The following TSPAN7 variants were observed in gnomAD, a reference collection of about 807,000 sequenced individuals.
TSPAN7 encodes the protein tetraspanin 7, also known as tetraspanin-7.
In TSPAN7, 1 loss-of-function variant was observed where a neutral mutation model predicts 17.6. The observed-to-expected ratio is 0.06, with a 90% confidence interval of 0.02 to 0.27. The LOEUF is 0.27. TSPAN7 is among the 10% of genes least tolerant of loss of function. The pLI, the probability that TSPAN7 is intolerant of heterozygous loss-of-function variation, is 1.00. For missense variants in TSPAN7, 112 were observed against 201.7 expected, an observed-to-expected ratio of 0.56 and a Z score of 2.69; for synonymous variants, 78 against 79.0, an observed-to-expected ratio of 0.99 and a Z score of 0.07.
chrX:38,671,107 G>A (rs1006704123), intron 2 of TSPAN7, among the ~76,000 whole-genome samples: 1 of 111,938 alleles, frequency 8.9e-6, no homozygotes, highest in South Asian at 3.7e-4. Context: ...TTCTCCAGGT[G>A]AGCCAAGCTG....
chrX:38,655,992 C>G (rs1253801396), intron 1 of TSPAN7: 2 of 321,618 alleles, frequency 6.2e-6, no homozygotes, highest in East Asian at 2.0e-4. Context: ...ATTCGTTTTT[C>G]CAGATTCATT....
chrX:38,622,462 C>T (rs1232982886), intron 1 of TSPAN7, among the ~76,000 whole-genome samples: 2 of 112,116 alleles, frequency 1.8e-5, no homozygotes, highest in East Asian at 2.8e-4. Context: ...TTGGGAGCGT[C>T]GCTTGAGCCC....
chrX:38,652,988 C>G (rs1052405733), intron 1 of TSPAN7, among the ~76,000 whole-genome samples: 1 of 112,066 alleles, frequency 8.9e-6, no homozygotes, highest in Non-Finnish European at 1.9e-5. Context: ...AGCCCTTGGC[C>G]TTGACTGCTG....
chrX:38,620,538 T>C (rs2069483026), intron 1 of TSPAN7, among the ~76,000 whole-genome samples: 1 of 111,510 alleles, frequency 9.0e-6, no homozygotes, highest in African/African-American at 3.3e-5. Flanking sequence ...ACTGCAGACC[T>C]ACAATTTTTG....
At chrX:38,646,722 T>C (rs891980323) in intron 1 of TSPAN7, among the ~76,000 whole-genome samples, 4 of 112,525 alleles carry the variant, frequency 3.6e-5, no homozygotes, top group African/African-American at 1.3e-4. Context: ...AAAAATTGCA[T>C]TAAGGTGATA....
At chrX:38,603,688 G>C (rs2069359538) in intron 1 of TSPAN7, among the ~76,000 whole-genome samples, 1 of 111,109 alleles carries the variant, frequency 9.0e-6, no homozygotes, top group African/African-American at 3.3e-5. Context: ...AAGCAAATCT[G>C]TAGAGCCAGA....
At chrX:38,671,580 A>C in intron 3 of TSPAN7, 130 bp downstream of exon 3, 1 of 649,251 alleles carries the variant, frequency 1.5e-6, no homozygotes, top group Middle Eastern at 3.1e-4. Flanking sequence ...TTTTCCAAAG[A>C]TCATGTCATA....
chrX:38,569,851 A>G (rs922704019), intron 1 of TSPAN7, among the ~76,000 whole-genome samples: 13 of 111,959 alleles, frequency 1.2e-4, no homozygotes, highest in Non-Finnish European at 1.9e-4. Context: ...TCTACATCAG[A>G]TGGTACTAAT....
chrX:38,595,830 C>T (rs1395389145), intron 1 of TSPAN7, among the ~76,000 whole-genome samples: 2 of 112,037 alleles, frequency 1.8e-5, no homozygotes, highest in Non-Finnish European at 3.8e-5. Flanking sequence ...TACTTTCTGC[C>T]TTCTACAATT....
chrX:38,681,244 T>C lies in TSPAN7; in HGVS notation c.638T>C (p.Met213Thr), dbSNP rs1462417531. The C allele has an allele frequency of 3.3e-6, 4 of 1,210,783 alleles. No individual in the cohort carries two copies. Among genetic ancestry groups the C allele is most frequent in the Non-Finnish European group, 4.5e-6 (4 of 894,739 alleles). ...DLVTSFMETN[M>T]GIIAGVAFGI... ...GTAACTAGTTTCATGGAGACTAACATGGGAATCATCGCTGGAGTGGCGTTT... is the reference window on the plus strand; with the variant it reads ...GTAACTAGTTTCATGGAGACTAACACGGGAATCATCGCTGGAGTGGCGTTT... Residue 213 changes from methionine to threonine, a missense_variant, in exon 6 of 8, where the codon ATG becomes ACG. Coordinates refer to ENST00000378482, the MANE Select transcript of TSPAN7 (RefSeq NM_004615.4).
At chrX:38,640,172 G>A (rs190699868) in intron 1 of TSPAN7, among the ~76,000 whole-genome samples, 4 of 111,288 alleles carry the variant, frequency 3.6e-5, no homozygotes, top group African/African-American at 9.8e-5. Context: ...GAAGCCTGAA[G>A]GTAATTGAAA....
At chrX:38,593,530 G>A (rs983424761) in intron 1 of TSPAN7, among the ~76,000 whole-genome samples, 6 of 111,971 alleles carry the variant, frequency 5.4e-5, no homozygotes, top group African/African-American at 1.9e-4. Flanking sequence ...TGTCCCCTCC[G>A]AAACTCATGT....
At chrX:38,684,585 T>G (rs2069914884) in intron 6 of TSPAN7, among the ~76,000 whole-genome samples, 1 of 111,351 alleles carries the variant, frequency 9.0e-6, no homozygotes, top group African/African-American at 3.3e-5. Context: ...GACATGTTTA[T>G]TGTTCAATTT....
At chrX:38,672,309 T>A (rs7061844) in intron 3 of TSPAN7, among the ~76,000 whole-genome samples, 1,500 of 104,856 alleles carry the variant, frequency 0.014, 28 homozygotes, top group African/African-American at 0.049. Flanking sequence ...CCAGGCCCTG[T>A]TTTTTTTTTT....
rs781168913 is a variant in TSPAN7, at chrX:38,678,303, T to C, written c.597+2443T>C. On this transcript the variant is annotated intron_variant, in intron 5 of 7. Coordinates refer to ENST00000378482, the MANE Select transcript of TSPAN7 (RefSeq NM_004615.4). ...GAGATACCTCTTCCCATAACCTGTC[T>C]GGAACTAGCTTTCTACTTCTAGTAG... 5.3e-5 allele frequency among the ~76,000 whole-genome samples: 6 copies of C among 112,160 alleles called. No homozygotes were observed. In the South Asian group the frequency reaches 2.3e-3, roughly 42 times the overall value.
chrX:38,597,497 G>A (rs1195279420), intron 1 of TSPAN7, among the ~76,000 whole-genome samples: 1 of 110,701 alleles, frequency 9.0e-6, no homozygotes, highest in Admixed American at 9.7e-5. Flanking sequence ...GCTTCCTTTG[G>A]GTATGAGTTA....
intron 1 of TSPAN7, among the ~76,000 whole-genome samples, chrX:38,610,814 T>C (rs997609358): frequency 8.9e-6 from 1 of 112,631 alleles, no homozygotes; most frequent in Admixed American, 9.4e-5. Context: ...AAAATTATTC[T>C]TTCTGAAGAT....
intron 5 of TSPAN7, among the ~76,000 whole-genome samples, chrX:38,676,485 T>C (rs2069854506): frequency 8.9e-6 from 1 of 112,036 alleles, no homozygotes; most frequent in Non-Finnish European, 1.9e-5. Context: ...GAAAATCAAT[T>C]CTGCATTCCA....
At chrX:38,624,876 T>G (rs778220556) in intron 1 of TSPAN7, among the ~76,000 whole-genome samples, 11 of 112,561 alleles carry the variant, frequency 9.8e-5, no homozygotes, top group Non-Finnish European at 1.9e-4. Flanking sequence ...GAATCAGGAT[T>G]TTTTAAAGCT....
Sources: allele counts gnomAD v4.1 joint callset (sites outside exome capture counted in the v4.1 genomes callset), GRCh38; gene constraint gnomAD v4.1.1; transcripts MANE v1.5; gene names NCBI Gene and HGNC (gene_info 2026-07-23, HGNC 2026-07-21).